UGT1A8: variants seen among roughly 807,000 people sequenced by gnomAD.
UGT1A8 encodes UDP glucuronosyltransferase family 1 member A8.
Under a neutral mutation model 45.3 loss-of-function variants are expected in UGT1A8, and 39 were observed. The observed-to-expected ratio is 0.86, with a 90% CI of 0.67 to 1.12. UGT1A8 has a LOEUF of 1.12. Among genes scored for constraint, UGT1A8 ranks in the 50% most tolerant of loss-of-function variants. The pLI, the probability that UGT1A8 is intolerant of heterozygous loss-of-function variation, is 0.00. For synonymous variants in UGT1A8, 275 were observed against 249.2 expected (o/e 1.10, Z -0.97); for missense variants, 719 against 664.9 (o/e 1.08, Z -0.90).
At position 233,637,235 on chromosome 2, in the gene UGT1A8, C is replaced by T. The variant is rs45563247; in HGVS notation, c.855+18673C>T. On this transcript the variant is annotated intron_variant, in intron 1 of 4. Transcript: ENST00000373450. ...ATAGCCTCTGAAATTCTCCAAACCC[C>T]TGTCACGGCATATGATCTCTACAGT... is the stretch of plus-strand genomic sequence containing the variant. 52 of 1,613,920 alleles carry T rather than the reference C, an allele frequency of 3.2e-5. No homozygotes were observed. The African/African-American group carries it at 6.7e-4, about 21-fold the overall frequency.
intron 1 of UGT1A8, among the ~76,000 whole-genome samples, chr2:233,649,965 T>C (rs2073698440): frequency 6.6e-6 from 1 of 152,028 alleles, no homozygotes; most frequent in Non-Finnish European, 1.5e-5. Context: ...TACTTCAAGG[T>C]TTTTTGTTTG....
At position 233,772,917 on chromosome 2, in the gene UGT1A8, G is replaced by A. The variant is rs930433907; in HGVS notation, c.*358G>A. ...TCCCACGGCTGCCCCTACTGCAAAT[G>A]GCAGTTTTAATCTTATCTTTTGGCT... On this transcript the variant is annotated 3_prime_UTR_variant, in exon 5 of 5. Coordinates refer to ENST00000373450, the MANE Select transcript of UGT1A8 (RefSeq NM_019076.5). The A allele has an allele frequency of 5.3e-6, 2 of 380,130 alleles. No individual in the cohort carries two copies. The highest frequency in any genetic ancestry group is 9.3e-6 in the Non-Finnish European group (2 of 215,476). The allele number at this position is 380,130 out of a possible 1,614,324, so 23.5% of individuals were successfully genotyped here.
chr2:233,747,900 C>T (rs1242605128), intron 1 of UGT1A8: 22 of 1,613,554 alleles, frequency 1.4e-5, no homozygotes, highest in Middle Eastern at 3.3e-4. Flanking sequence ...TCTTTCTGCT[C>T]CTTATGCAAG....
At chr2:233,729,805 T>C (rs61740163) in intron 1 of UGT1A8, 2 of 1,611,876 alleles carry the variant, frequency 1.2e-6, no homozygotes, top group Non-Finnish European at 1.7e-6. Flanking sequence ...TTGCCATGCT[T>C]TTTCTGCTCC....
intron 1 of UGT1A8, chr2:233,718,138 CCTCA>C: frequency 1.7e-5 from 4 of 236,468 alleles, no homozygotes; most frequent in South Asian, 5.8e-5. Context: ...GATGGAGAAT[CCTCA>C]ATAAAGCCTT....
At chr2:233,698,027 C>G (rs1346477159) in intron 1 of UGT1A8, among the ~76,000 whole-genome samples, 1 of 152,070 alleles carries the variant, frequency 6.6e-6, no homozygotes, top group East Asian at 1.9e-4. Context: ...TACCAATTAT[C>G]TTATTTTTTC....
At chr2:233,679,491 C>T (rs1429641613) in intron 1 of UGT1A8, among the ~76,000 whole-genome samples, 1 of 152,174 alleles carries the variant, frequency 6.6e-6, no homozygotes, top group Non-Finnish European at 1.5e-5. Context: ...CCCTTCCTGC[C>T]TTACATTCTG....
Position 233,679,630 on chromosome 2 carries a change from G to C in UGT1A8, c.855+61068G>C, listed in dbSNP as rs539070973. 7.0e-4 allele frequency among the ~76,000 whole-genome samples: 107 copies of C among 151,992 alleles called. 1 individual carries two copies. The highest frequency in any genetic ancestry group is 2.3e-3 in the African/African-American group (96 of 41,474). ...AACCCTGTTCAGGCAGATATCCTTT[G>C]TCCTCAATGCTTTTCTTCATGGCAT... On this transcript the variant is annotated intron_variant, in intron 1 of 4. Coordinates refer to ENST00000373450, the MANE Select transcript of UGT1A8 (RefSeq NM_019076.5).
Position 233,746,118 on chromosome 2 carries a change from A to C in UGT1A8, c.856-20916A>C, listed in dbSNP as rs544937305. On this transcript the variant is annotated intron_variant, in intron 1 of 4. Transcript: ENST00000373450. ...CATGTCCAGAGTGCTTACTGTCTGC[A>C]AAACTGTGGACTGGCACCTGAGTGA... 3.3e-4 allele frequency among the ~76,000 whole-genome samples: 50 copies of C among 151,986 alleles called. 2 individuals carry two copies. Among genetic ancestry groups the C allele is most frequent in the African/African-American group, 1.1e-3 (46 of 41,248 alleles).
chr2:233,618,523 T>C lies in UGT1A8; in HGVS notation c.816T>C (p.Ile272=), dbSNP rs1298141065. ...CCGTGATGCCCAATATGATCTTCAT[T>C]GGTGGTATCAACTGCCATCAGGGAA... is the stretch of plus-strand genomic sequence containing the variant. The part of the protein sequence containing the change: ...PKPVMPNMIF[I]GGINCHQGKP... Residue 272 remains isoleucine (I), a synonymous_variant, in exon 1 of 5, where the codon ATT becomes ATC. Transcript: ENST00000373450. 6.2e-7 allele frequency: 1 copy of C among 1,613,838 alleles called. No homozygotes were observed. Among genetic ancestry groups the C allele is most frequent in the African/African-American group, 1.3e-5 (1 of 74,924 alleles).
rs587776764 is a variant in UGT1A8 at position 233,761,152 on chromosome 2, G to C, written c.856-5882G>C. ...CCTTCACCAAAATCCACTATCCCAG[G>C]TGTGTATTGGAGTGGGACTTTTACA... is the stretch of plus-strand genomic sequence containing the variant. On this transcript the variant is annotated intron_variant, in intron 1 of 4. Coordinates refer to ENST00000373450, the MANE Select transcript of UGT1A8 (RefSeq NM_019076.5). The C allele has an allele frequency of 2.5e-6, 4 of 1,614,084 alleles. No homozygotes were observed. The African/African-American group carries it at 4.0e-5, about 16-fold the overall frequency.
intron 1 of UGT1A8, among the ~76,000 whole-genome samples, chr2:233,757,562 G>GTATATATATATATATATATATACATA (rs1491042837): frequency 1.1e-5 from 1 of 90,870 alleles, no homozygotes; most frequent in Non-Finnish European, 2.1e-5. Flanking sequence ...ATATATATAT[G>GTATATATATATATATATATATACATA]TATATATGAT....
At chr2:233,629,476 G>T (rs1246513949) in intron 1 of UGT1A8, among the ~76,000 whole-genome samples, 1 of 152,068 alleles carries the variant, frequency 6.6e-6, no homozygotes, top group East Asian at 1.9e-4. Context: ...CTTGGTTATG[G>T]TGTCTAATCT....
At chr2:233,688,330 G>A (rs2074887985) in intron 1 of UGT1A8, among the ~76,000 whole-genome samples, 2 of 152,288 alleles carry the variant, frequency 1.3e-5, no homozygotes, top group African/African-American at 2.4e-5. Flanking sequence ...CATTTGGGTT[G>A]TTTCCCATTT....
At chr2:233,748,178 G>T (rs1693885819) in intron 1 of UGT1A8, 1 of 1,580,774 alleles carries the variant, frequency 6.3e-7, no homozygotes, top group Non-Finnish European at 8.6e-7. Context: ...TATCTTTCTG[G>T]TGCTTTTATT....
intron 1 of UGT1A8, chr2:233,747,967 C>T: frequency 6.2e-7 from 1 of 1,613,484 alleles, no homozygotes; most frequent in Non-Finnish European, 8.5e-7. Flanking sequence ...CTCAGCCATG[C>T]ATCTGTGTGG....
At chr2:233,758,324 A>G (rs1465079880) in intron 1 of UGT1A8, among the ~76,000 whole-genome samples, 5 of 152,226 alleles carry the variant, frequency 3.3e-5, no homozygotes, top group Admixed American at 3.3e-4. Context: ...AAGCAGCCTC[A>G]AAAAGCTTGG....
At chr2:233,747,568 A>G in intron 1 of UGT1A8, 5 of 1,592,710 alleles carry the variant, frequency 3.1e-6, no homozygotes, top group Non-Finnish European at 3.4e-6. Flanking sequence ...ATTTTGAAAA[A>G]TTCATCTTTG....
chr2:233,657,586 T>G (rs1251920798), intron 1 of UGT1A8, among the ~76,000 whole-genome samples: 9 of 152,196 alleles, frequency 5.9e-5, no homozygotes, highest in Non-Finnish European at 1.3e-4. Context: ...CCCAGATACC[T>G]CCCACTAAGC....
Sources: allele counts gnomAD v4.1 joint callset (sites outside exome capture counted in the v4.1 genomes callset), GRCh38; gene constraint gnomAD v4.1.1; transcripts MANE v1.5; gene names NCBI Gene and HGNC (gene_info 2026-07-23, HGNC 2026-07-21).